Variants in IP6K3 observed in about 807,000 individuals in gnomAD.
The protein encoded by IP6K3 is inositol hexakisphosphate kinase 3.
Under a neutral mutation model 28.8 loss-of-function variants are expected in IP6K3, and 20 were observed. The ratio of observed to expected loss-of-function variants is 0.70; its 90% CI spans 0.49 to 1.01. The LOEUF is 1.01. IP6K3 is among the 50% of genes least tolerant of loss of function. The pLI is 0.00. For missense variants in IP6K3, 480 were observed against 537.1 expected, an observed-to-expected ratio of 0.89 and a Z score of 1.05; for synonymous variants, 213 against 221.3, an observed-to-expected ratio of 0.96 and a Z score of 0.33.
At chr6:33,739,715 A>G (rs542323571) in intron 1 of IP6K3, among the ~76,000 whole-genome samples, 33 of 152,318 alleles carry the variant, frequency 2.2e-4, no homozygotes, top group Non-Finnish European at 3.7e-4. Context: ...TCCTTTTGCC[A>G]CATGCAGGCA....
chr6:33,741,215 T>G (rs911363298), intron 1 of IP6K3, among the ~76,000 whole-genome samples: 6 of 152,166 alleles, frequency 3.9e-5, no homozygotes, highest in African/African-American at 7.2e-5. Context: ...ATATATAGCA[T>G]TATGGAAATA....
rs1165488340 is a variant in IP6K3, at chr6:33,722,051, A to G, written c.*669T>C. 1 of 152,076 alleles carries G rather than the reference A, an allele frequency of 6.6e-6. No individual in the cohort carries two copies. Among genetic ancestry groups the G allele is most frequent in the Non-Finnish European group, 1.5e-5 (1 of 67,986 alleles). 9.4% of individuals were successfully genotyped at this position (152,076 alleles called of 1,614,324 possible). On this transcript the variant is annotated 3_prime_UTR_variant, in exon 6 of 6. Coordinates refer to ENST00000293756, the MANE Select transcript of IP6K3 (RefSeq NM_054111.5). ...TCATTTTAAGAGATTTTGGGGGAAA[A>G]AAAGGAAAAAAAAGCCTGTAAAGGG... is the stretch of plus-strand genomic sequence containing the variant.
At chr6:33,739,811 C>T (rs897848883) in intron 1 of IP6K3, among the ~76,000 whole-genome samples, 3 of 152,216 alleles carry the variant, frequency 2.0e-5, no homozygotes, top group African/African-American at 4.8e-5. Flanking sequence ...AGTCAGAAGT[C>T]CAGGGTCTAC....
chr6:33,759,150 G>A, the IP6K3 span, among the ~76,000 whole-genome samples: 15 of 152,346 alleles, frequency 9.8e-5, no homozygotes, highest in South Asian at 1.7e-3. Context: ...TAAATTTGTC[G>A]TGTATGCATA....
chr6:33,737,461 A>G (rs1306590505), intron 1 of IP6K3, among the ~76,000 whole-genome samples: 1 of 152,178 alleles, frequency 6.6e-6, no homozygotes, highest in African/African-American at 2.4e-5. Context: ...GCTGGGCATG[A>G]TTAACGCTCT....
At chr6:33,741,637 C>T (rs1401930762) in intron 1 of IP6K3, among the ~76,000 whole-genome samples, 26 of 84,052 alleles carry the variant, frequency 3.1e-4, no homozygotes, top group Non-Finnish European at 4.3e-4. Flanking sequence ...CAGAGCGAGA[C>T]TCCATCTCAA....
At position 33,735,647 on chromosome 6, in the gene IP6K3, C is replaced by T. The variant is rs1462780590; in HGVS notation, c.-171G>A. ...TGTCCTCCTGTCTGTGGGTTCTCAG[C>T]GGGGTCCTCTGGAAAGCAGGGGAGG... On this transcript the variant is annotated 5_prime_UTR_variant, in exon 2 of 6. Transcript: ENST00000293756. 12 of 1,425,122 alleles carry T rather than the reference C, an allele frequency of 8.4e-6. No individual in the cohort carries two copies. Among genetic ancestry groups the T allele is most frequent in the Admixed American group, 2.8e-5 (1 of 36,218 alleles). The allele number at this position is 1,425,122 out of a possible 1,614,324, so 88.3% of individuals were successfully genotyped here.
upstream of IP6K3, among the ~76,000 whole-genome samples, chr6:33,749,633 C>CGT (rs146188796): frequency 0.022 from 3,279 of 150,044 alleles, 101 homozygotes; most frequent in African/African-American, 0.074. Flanking sequence ...CTCTGCAGGC[C>CGT]GTGTGTGTGT....
chr6:33,723,517 C>T (rs986793503), intron 5 of IP6K3, among the ~76,000 whole-genome samples: 1 of 152,164 alleles, frequency 6.6e-6, no homozygotes, highest in Non-Finnish European at 1.5e-5. Context: ...TGATTTAAGC[C>T]CTGGCTCCTG....
intron 1 of IP6K3, among the ~76,000 whole-genome samples, chr6:33,741,052 C>T (rs1766701723): frequency 6.6e-6 from 1 of 152,118 alleles, no homozygotes; most frequent in Non-Finnish European, 1.5e-5. Flanking sequence ...TTGCTTTTGC[C>T]AGCATCACGT....
chr6:33,747,510 G>T (rs1292871918), upstream of IP6K3, among the ~76,000 whole-genome samples: 1 of 152,202 alleles, frequency 6.6e-6, no homozygotes, highest in African/African-American at 2.4e-5. This position sits in a 1 kb window ranked among gnomAD's most constrained non-coding sequence, Gnocchi z 5.2. Flanking sequence ...TGAGAGAATA[G>T]AGGACTTTGC....
rs571487877 is a variant in IP6K3 at position 33,736,740 on chromosome 6, A to G, written c.-179-1085T>C. On this transcript the variant is annotated intron_variant, in intron 1 of 5. Coordinates refer to ENST00000293756, the MANE Select transcript of IP6K3 (RefSeq NM_054111.5). ...TTATTTTTGTACAGCATGGGTGTGC[A>G]TCATTGATTTACATCATGATACCAT... 2.0e-5 allele frequency among the ~76,000 whole-genome samples: 3 copies of G among 152,282 alleles called. No individual in the cohort carries two copies. In the East Asian group the frequency reaches 5.8e-4, roughly 29 times the overall value.
chr6:33,722,750 C>T lies in IP6K3; in HGVS notation c.1203G>A (p.Arg401=). The change falls in exon 6 of 6, where the codon AGG becomes AGA. Residue 401 remains arginine, a synonymous_variant. Coordinates refer to ENST00000293756, the MANE Select transcript of IP6K3 (RefSeq NM_054111.5). ...CTCCCTCTTGGATATCCTGCAGGATCCTGATGAGGTTTTCCAGGCCAAAAA... is the reference window on the plus strand; with the variant it reads ...CTCCCTCTTGGATATCCTGCAGGATTCTGATGAGGTTTTCCAGGCCAAAAA... The part of the protein sequence containing the change: ...GYIFGLENLI[R]ILQDIQEGE The T allele has an allele frequency of 6.2e-7, 1 of 1,612,632 alleles. No individual in the cohort carries two copies. Among genetic ancestry groups the T allele is most frequent in the Non-Finnish European group, 8.5e-7 (1 of 1,179,196 alleles).
chr6:33,728,362 C>T, intron 2 of IP6K3, 62 bp from the exon 3 acceptor site: 1 of 1,478,136 alleles, frequency 6.8e-7, no homozygotes, highest in Non-Finnish European at 9.4e-7. Context: ...CACGGACATG[C>T]AGGAGTGATG....
In IP6K3 at chr6:33,737,685, T is replaced by C. The variant is rs541738074; in HGVS notation, c.-179-2030A>G. Among the ~76,000 whole-genome samples the C allele has an allele frequency of 2.8e-3, 421 of 152,316 alleles. 3 individuals are homozygous for C. Among genetic ancestry groups the C allele is most frequent in the African/African-American group, 9.0e-3 (375 of 41,562 alleles). ...CTGCCCTACAGGCCAGAAGTGCCTC[T>C]ATAGGAGGGAGAAGGAGTGTGGCTT... On this transcript the variant is annotated intron_variant, in intron 1 of 5. Transcript: ENST00000293756.
In IP6K3 at chr6:33,728,116, A is replaced by G; in HGVS notation, c.384T>C (p.His128=). ...GSDCTLAQWP[H]AQLARSPKES... ...CCTTGGGTGAGCGTGCCAGCTGGGC[A>G]TGCGGCCACTGGGCAAGGGTGCAGT... Residue 128 remains histidine (H), a synonymous_variant, in exon 3 of 6, where the codon CAT becomes CAC. Transcript: ENST00000293756. 6.2e-7 allele frequency: 1 copy of G among 1,607,254 alleles called. No individual in the cohort carries two copies. Among genetic ancestry groups the G allele is most frequent in the African/African-American group, 1.3e-5 (1 of 75,054 alleles).
Position 33,722,629 on chromosome 6 carries a change from A to G in IP6K3, c.*91T>C, listed in dbSNP as rs1765942576. The G allele has an allele frequency of 1.3e-6, 1 of 798,592 alleles. No homozygotes were observed. Among genetic ancestry groups the G allele is most frequent in the Non-Finnish European group, 2.1e-6 (1 of 479,828 alleles). 49.5% of individuals were successfully genotyped at this position (798,592 alleles called of 1,614,324 possible). On this transcript the variant is annotated 3_prime_UTR_variant, in exon 6 of 6. Transcript: ENST00000293756. ...GAAGGTAGATAGGACTATTATGAAGACATCTAAGGGGTGTCTGGACTACCC... is the reference window on the plus strand; with the variant it reads ...GAAGGTAGATAGGACTATTATGAAGGCATCTAAGGGGTGTCTGGACTACCC...
Position 33,728,074 on chromosome 6 carries a change from C to G in IP6K3, c.413+13G>C. 1 of 1,600,392 alleles carries G rather than the reference C, an allele frequency of 6.2e-7. No homozygotes were observed. Among genetic ancestry groups the G allele is most frequent in the Non-Finnish European group, 8.5e-7 (1 of 1,179,238 alleles). ...AGGGACAGGGTTTCTGTCATCCTGC[C>G]CAGTGCCCTCACCTCTCCTTGGGTG... On this transcript the variant is annotated intron_variant, in intron 3 of 5. Transcript: ENST00000293756.
At chr6:33,749,058 C>G (rs1192799328), upstream of IP6K3, among the ~76,000 whole-genome samples, 1 of 152,148 alleles carries the variant, frequency 6.6e-6, no homozygotes, top group African/African-American at 2.4e-5. Context: ...TCTCCTCTCC[C>G]TATCAGGCTG....
Sources: gnomAD v4.1 joint callset for allele counts (sites outside exome capture counted in the v4.1 genomes callset) on GRCh38, gnomAD v4.1.1 for gene constraint, Gnocchi (gnomAD v3.1) non-coding constraint, MANE v1.5 for transcripts, NCBI Gene and HGNC (gene_info 2026-07-23, HGNC 2026-07-21) for gene names.